The following MAML2 variants were observed in gnomAD, a reference collection of about 807,000 sequenced individuals.
MAML2 encodes mastermind like transcriptional coactivator 2.
Under a neutral mutation model 96.1 loss-of-function variants are expected in MAML2, and 22 were observed. That is an observed-to-expected ratio of 0.23 (90% CI 0.16 to 0.33). MAML2 has a LOEUF of 0.33. MAML2 is among the 10% of genes least tolerant of loss of function. The pLI is 1.00. For missense variants in MAML2, 1,367 were observed against 1,392.4 expected, an observed-to-expected ratio of 0.98 and a Z score of 0.29; for synonymous variants, 561 against 521.3, an observed-to-expected ratio of 1.08 and a Z score of -1.04.
chr11:96,138,380 A>G (rs1307086284), intron 1 of MAML2, among the ~76,000 whole-genome samples: 1 of 152,162 alleles, frequency 6.6e-6, no homozygotes, highest in African/African-American at 2.4e-5. Context: ...TATAGCTCCT[A>G]ACTCTGAAGC....
chr11:96,313,460 T>C lies in MAML2; in HGVS notation c.513+27923A>G, dbSNP rs115808719. On this transcript the variant is annotated intron_variant, in intron 1 of 4. Transcript: ENST00000524717. ...CTTTTTTCACACTCCTTTCCCACCA[T>C]GCCAAATCCCACCACTTGTTCTTGG... 6.4e-4 allele frequency among the ~76,000 whole-genome samples: 97 copies of C among 152,258 alleles called. 1 individual carries two copies. Among genetic ancestry groups the C allele is most frequent in the African/African-American group, 2.3e-3 (96 of 41,556 alleles).
intron 1 of MAML2, among the ~76,000 whole-genome samples, chr11:96,106,956 G>A (rs10501843): frequency 0.33 from 46,295 of 141,290 alleles, 8,128 homozygotes; most frequent in East Asian, 0.74. Context: ...CTCTAAACAT[G>A]CCATTGTAAC....
chr11:96,034,926 G>A (rs1170837985), intron 2 of MAML2, among the ~76,000 whole-genome samples: 7 of 152,106 alleles, frequency 4.6e-5, no homozygotes, highest in Non-Finnish European at 5.9e-5. Context: ...TTAGTCACAT[G>A]GGGAAGCATA....
chr11:96,086,793 T>A (rs1859623088), intron 2 of MAML2, among the ~76,000 whole-genome samples: 1 of 152,140 alleles, frequency 6.6e-6, no homozygotes. Flanking sequence ...TGGCTCCTGG[T>A]AGGCATATCA....
intron 2 of MAML2, among the ~76,000 whole-genome samples, chr11:96,049,651 C>T (rs1370059144): frequency 6.6e-6 from 1 of 152,066 alleles, no homozygotes; most frequent in African/African-American, 2.4e-5. Flanking sequence ...GAAGTAAGGC[C>T]AATAATACTT....
At chr11:96,091,806 C>T (rs1426124431) in intron 2 of MAML2, 86 bp downstream of exon 2, 2 of 1,502,242 alleles carry the variant, frequency 1.3e-6, no homozygotes, top group Middle Eastern at 1.9e-4. Flanking sequence ...GATCTTGTCC[C>T]AATACAAACA....
intron 1 of MAML2, among the ~76,000 whole-genome samples, chr11:96,121,804 T>TTTTTTTTTTTTTTTTTTTTTAGG: frequency 7.3e-6 from 1 of 137,334 alleles, no homozygotes; most frequent in South Asian, 2.4e-4. Context: ...TTTTTTTTTT[T>TTTTTTTTTTTTTTTTTTTTTAGG]GAGACGGAGT....
chr11:95,985,426 TAAGA>T, intron 4 of MAML2, 101 bp downstream of exon 4: 1 of 659,372 alleles, frequency 1.5e-6, no homozygotes, highest in Non-Finnish European at 2.5e-6. Context: ...TTAGAAATTC[TAAGA>T]AAGATATTAT....
chr11:96,281,347 G>A (rs546728333), intron 1 of MAML2, among the ~76,000 whole-genome samples: 27 of 152,266 alleles, frequency 1.8e-4, no homozygotes, highest in Middle Eastern at 6.8e-3. Context: ...GTCCAAGAGA[G>A]TGCTAGTGTT....
At position 95,979,821 on chromosome 11, in the gene MAML2, A is replaced by G; in HGVS notation, c.2598T>C (p.Asn866=). 6.2e-7 allele frequency: 1 copy of G among 1,613,970 alleles called. No individual in the cohort carries two copies. Among genetic ancestry groups the G allele is most frequent in the South Asian group, 1.1e-5 (1 of 91,088 alleles). The change falls in exon 5 of 5, where the codon AAT becomes AAC. Residue 866 remains asparagine, a synonymous_variant. Coordinates refer to ENST00000524717, the MANE Select transcript of MAML2 (RefSeq NM_032427.4). The part of the protein sequence containing the change: ...RMPSLSTAVQ[N]MGMYGNLPCN... Reference sequence around the variant, plus strand: ...AAGGCAGATTTCCATACATCCCCATATTCTGAACTGCTGTAGATAATGATG... The same window carrying G: ...AAGGCAGATTTCCATACATCCCCATGTTCTGAACTGCTGTAGATAATGATG...
At chr11:96,083,391 C>T (rs550941354) in intron 2 of MAML2, among the ~76,000 whole-genome samples, 7 of 152,178 alleles carry the variant, frequency 4.6e-5, no homozygotes, top group African/African-American at 9.6e-5. Context: ...TACTTTTATC[C>T]GTATGATTTC....
At chr11:96,185,396 T>C (rs1861558504) in intron 1 of MAML2, among the ~76,000 whole-genome samples, 1 of 152,230 alleles carries the variant, frequency 6.6e-6, no homozygotes, top group Non-Finnish European at 1.5e-5. Flanking sequence ...TCCAATATGT[T>C]TTCACAGGTG....
rs55878534 is a variant in MAML2, at chr11:96,299,060, A to AAAAT, written c.513+42322_513+42323insATTT. Among the ~76,000 whole-genome samples the AAAAT allele has an allele frequency of 4.3e-3, 243 of 56,344 alleles. 3 individuals are homozygous for AAAAT. Among genetic ancestry groups the AAAAT allele is most frequent in the African/African-American group, 0.021 (235 of 11,192 alleles). 37.0% of individuals were successfully genotyped at this position (56,344 alleles called of 152,430 possible). ...AGTCCATCTCAAAAAAAAAAAAAAA[A>AAAAT]ATATATATATATATATATATAAAAT... On this transcript the variant is annotated intron_variant, in intron 1 of 4. Coordinates refer to ENST00000524717, the MANE Select transcript of MAML2 (RefSeq NM_032427.4).
In MAML2 at chr11:96,023,351, G is replaced by A. The variant is rs570529544; in HGVS notation, c.2140-31628C>T. 7.2e-5 allele frequency among the ~76,000 whole-genome samples: 11 copies of A among 152,270 alleles called. No homozygotes were observed. In the South Asian group the frequency reaches 2.3e-3, roughly 32 times the overall value. On this transcript the variant is annotated intron_variant, in intron 2 of 4. Coordinates refer to ENST00000524717, the MANE Select transcript of MAML2 (RefSeq NM_032427.4). ...GCTGGGTAGTCTTGAGGCCTCTGGA[G>A]GACCTCCTTTTTCTTATATTAATTC...
At chr11:96,311,312 G>A (rs138584701) in intron 1 of MAML2, among the ~76,000 whole-genome samples, 1 of 152,332 alleles carries the variant, frequency 6.6e-6, no homozygotes, top group Non-Finnish European at 1.5e-5. Flanking sequence ...AAGCTGGATA[G>A]TCACACTCAC....
chr11:96,132,330 T>G (rs1285525715), intron 1 of MAML2, among the ~76,000 whole-genome samples: 1 of 152,194 alleles, frequency 6.6e-6, no homozygotes, highest in Non-Finnish European at 1.5e-5. Flanking sequence ...GTAGTAAGGA[T>G]TCAGCAGTGA....
At chr11:96,038,439 A>G (rs984747748) in intron 2 of MAML2, among the ~76,000 whole-genome samples, 2 of 152,256 alleles carry the variant, frequency 1.3e-5, no homozygotes, top group African/African-American at 2.4e-5. Context: ...AACGCAAAAT[A>G]GATAAAAATT....
intron 1 of MAML2, among the ~76,000 whole-genome samples, chr11:96,114,917 G>A (rs933807272): frequency 6.6e-6 from 1 of 152,088 alleles, no homozygotes; most frequent in Admixed American, 6.6e-5. Flanking sequence ...GAGCTGGCTG[G>A]GATCAAAAAG....
chr11:96,102,934 A>G (rs1859958791), intron 1 of MAML2, among the ~76,000 whole-genome samples: 1 of 152,238 alleles, frequency 6.6e-6, no homozygotes, highest in African/African-American at 2.4e-5. Flanking sequence ...TATGTCTAAA[A>G]TGTTTGCAAT....
Sources: gnomAD v4.1 joint callset for allele counts (sites outside exome capture counted in the v4.1 genomes callset) on GRCh38, gnomAD v4.1.1 for gene constraint, MANE v1.5 for transcripts, NCBI Gene and HGNC (gene_info 2026-07-23, HGNC 2026-07-21) for gene names.